The following KIF24 variants were observed in gnomAD, a reference collection of about 807,000 sequenced individuals.
KIF24 encodes the protein kinesin-like protein KIF24.
Under a neutral mutation model 118.9 loss-of-function variants are expected in KIF24, and 81 were observed. The ratio of observed to expected loss-of-function variants is 0.68; its 90% confidence interval spans 0.57 to 0.82. KIF24 has a LOEUF of 0.82. Among genes scored for constraint, KIF24 ranks in the 40% least tolerant of loss-of-function variants. KIF24 has a pLI of 0.00. For missense variants in KIF24, 1,560 were observed against 1,661.6 expected (o/e 0.94, Z 1.06); for synonymous variants, 599 against 610.0 (o/e 0.98, Z 0.27).
Position 34,257,189 on chromosome 9 carries a change from A to T in KIF24, c.2418T>A (p.Pro806=). The T allele has an allele frequency of 1.2e-6, 2 of 1,614,040 alleles. No homozygotes were observed. Among genetic ancestry groups the T allele is most frequent in the Admixed American group, 3.3e-5 (2 of 60,030 alleles). Residue 806 remains proline, a synonymous_variant, in exon 11 of 13, where the codon CCT becomes CCA. Coordinates refer to ENST00000402558, the MANE Select transcript of KIF24 (RefSeq NM_194313.4). ...GGTTTTCAGAGTAAGAGTGGAACAG[A>T]GGCGGAGTCTCATTCGTGAGCTGAC... ...PEGQLTNETP[P]LFHSYSENHD...
chr9:34,267,994 A>G (rs1445125076), intron 8 of KIF24, among the ~76,000 whole-genome samples: 1 of 152,198 alleles, frequency 6.6e-6, no homozygotes, highest in Non-Finnish European at 1.5e-5. Context: ...GGGAATAAGA[A>G]CTCACATAGG....
chr9:34,258,913 T>A (rs1834954999), intron 10 of KIF24, among the ~76,000 whole-genome samples: 1 of 152,224 alleles, frequency 6.6e-6, no homozygotes, highest in Non-Finnish European at 1.5e-5. Context: ...TTTAGCAGCA[T>A]CCTTGGCCTC....
At chr9:34,272,408 A>G (rs1366183095) in intron 6 of KIF24, among the ~76,000 whole-genome samples, 1 of 152,210 alleles carries the variant, frequency 6.6e-6, no homozygotes, top group Non-Finnish European at 1.5e-5. Context: ...GAGTTACTGT[A>G]ATTACCATAA....
At chr9:34,299,846 GTA>G (rs1379422523) in intron 3 of KIF24, among the ~76,000 whole-genome samples, 1 of 143,644 alleles carries the variant, frequency 7.0e-6, no homozygotes, top group Non-Finnish European at 1.5e-5. Context: ...GTGTGTGTGT[GTA>G]TAGTTGGTCT....
chr9:34,291,103 C>T (rs533452813), intron 4 of KIF24, among the ~76,000 whole-genome samples: 253 of 152,096 alleles, frequency 1.7e-3, no homozygotes, highest in African/African-American at 5.8e-3. Context: ...GAATTAAATA[C>T]GAGAAATAAC....
intron 6 of KIF24, among the ~76,000 whole-genome samples, chr9:34,276,301 C>T (rs1175719418): frequency 6.6e-6 from 1 of 150,508 alleles, no homozygotes; most frequent in African/African-American, 2.4e-5. Flanking sequence ...ACTCAGGAGG[C>T]TGAGGCAGCA....
chr9:34,292,800 C>G (rs115155933), intron 4 of KIF24, among the ~76,000 whole-genome samples: 1 of 152,216 alleles, frequency 6.6e-6, no homozygotes, highest in African/African-American at 2.4e-5. Flanking sequence ...AAATGAATTA[C>G]AGGAGAAAAA....
At chr9:34,267,525 C>T (rs1835339290) in intron 8 of KIF24, among the ~76,000 whole-genome samples, 1 of 151,960 alleles carries the variant, frequency 6.6e-6, no homozygotes. Flanking sequence ...ACATGAGCCA[C>T]AAATGCAAAA....
intron 6 of KIF24, among the ~76,000 whole-genome samples, chr9:34,278,473 AAAC>A (rs1245632405): frequency 6.6e-6 from 1 of 152,082 alleles, no homozygotes; most frequent in Non-Finnish European, 1.5e-5. Flanking sequence ...TCTAAAACTT[AAAC>A]TATTTCTTTT....
intron 10 of KIF24, 129 bp from the exon 11 acceptor site, chr9:34,258,110 A>G (rs1834927849): frequency 1.4e-6 from 1 of 715,968 alleles, no homozygotes; most frequent in Non-Finnish European, 2.4e-6. Flanking sequence ...TTTATCTGGG[A>G]TAGAATAAGA....
At chr9:34,296,598 C>G (rs1461585575) in intron 4 of KIF24, among the ~76,000 whole-genome samples, 2 of 152,118 alleles carry the variant, frequency 1.3e-5, no homozygotes, top group Non-Finnish European at 2.9e-5. Context: ...CTATCTGATT[C>G]CAAAGAAAAA....
At chr9:34,285,759 A>T (rs957402424) in intron 6 of KIF24, among the ~76,000 whole-genome samples, 2 of 145,828 alleles carry the variant, frequency 1.4e-5, no homozygotes, top group Non-Finnish European at 3.0e-5. Flanking sequence ...TAGGTGACAA[A>T]GTGAGACTCC....
At chr9:34,323,093 A>G (rs1049213566) in intron 1 of KIF24, among the ~76,000 whole-genome samples, 1 of 152,166 alleles carries the variant, frequency 6.6e-6, no homozygotes, top group African/African-American at 2.4e-5. Context: ...TCAACAGAAG[A>G]CAGATGATAC....
chr9:34,281,442 T>C (rs1835847477), intron 6 of KIF24, among the ~76,000 whole-genome samples: 1 of 152,220 alleles, frequency 6.6e-6, no homozygotes, highest in African/African-American at 2.4e-5. Flanking sequence ...TGCCAGCTGT[T>C]AGCTATGTGA....
chr9:34,312,954 C>T (rs1468930413), intron 1 of KIF24, among the ~76,000 whole-genome samples: 1 of 152,222 alleles, frequency 6.6e-6, no homozygotes, highest in African/African-American at 2.4e-5. Flanking sequence ...CCACCTCAGC[C>T]TCGCAAAGTG....
chr9:34,332,738 A>C (rs534947120), upstream of KIF24, among the ~76,000 whole-genome samples: 1 of 152,236 alleles, frequency 6.6e-6, no homozygotes, highest in Non-Finnish European at 1.5e-5. Context: ...TCGTCTCTGC[A>C]AGAATGGAGT....
chr9:34,292,492 T>C (rs1196864872), intron 4 of KIF24, among the ~76,000 whole-genome samples: 1 of 152,188 alleles, frequency 6.6e-6, no homozygotes, highest in Non-Finnish European at 1.5e-5. Context: ...CTTTGGCAAA[T>C]AAATCTACAA....
chr9:34,321,549 T>C (rs544971098), intron 1 of KIF24, among the ~76,000 whole-genome samples: 1 of 133,804 alleles, frequency 7.5e-6, no homozygotes, highest in Non-Finnish European at 1.6e-5. Context: ...GGCACAGTGA[T>C]CTACCGATAG....
chr9:34,313,924 T>A (rs76153302), intron 1 of KIF24, among the ~76,000 whole-genome samples: 1 of 44,532 alleles, frequency 2.2e-5, no homozygotes, highest in Non-Finnish European at 1.1e-4. Context: ...ATTTTTACAT[T>A]TTTTTTTTTT....
Sources: gnomAD v4.1 joint callset for allele counts (sites outside exome capture counted in the v4.1 genomes callset) on GRCh38, gnomAD v4.1.1 for gene constraint, MANE v1.5 for transcripts, NCBI Gene and HGNC (gene_info 2026-07-23, HGNC 2026-07-21) for gene names.